The following PLB1 variants were observed in gnomAD, a reference collection of about 807,000 sequenced individuals.
PLB1 encodes phospholipase B1.
PLB1 carries 242 observed loss-of-function variants against 227.4 expected under a neutral mutation model. The ratio of observed to expected loss-of-function variants is 1.06; its 90% CI spans 0.96 to 1.18. The LOEUF (loss-of-function observed/expected upper bound fraction) is 1.18, where lower values mean the gene tolerates loss of function less well. PLB1 is among the 50% of genes most tolerant of loss of function. The pLI, the probability that PLB1 is intolerant of heterozygous loss-of-function variation, is 0.00. For synonymous variants in PLB1, 757 were observed against 682.2 expected, an observed-to-expected ratio of 1.11 and a Z score of -1.71; for missense variants, 1,858 against 1,816.3, an observed-to-expected ratio of 1.02 and a Z score of -0.42.
intron 17 of PLB1, among the ~76,000 whole-genome samples, chr2:28,560,658 G>A (rs1041354123): frequency 4.6e-5 from 7 of 152,090 alleles, no homozygotes; most frequent in Non-Finnish European, 8.8e-5. Context: ...AAAATAAAAC[G>A]AATATATTGA....
At chr2:28,518,343 G>T in intron 2 of PLB1, 123 bp from the exon 3 acceptor site, 1 of 753,462 alleles carries the variant, frequency 1.3e-6, no homozygotes. Flanking sequence ...ATGGGCAATT[G>T]TTGTTTCTAG....
intron 8 of PLB1, among the ~76,000 whole-genome samples, chr2:28,530,673 A>G (rs148182771): frequency 3.3e-5 from 5 of 152,384 alleles, no homozygotes; most frequent in Admixed American, 6.5e-5. Flanking sequence ...GGCAAGTATC[A>G]AACCAAGGCA....
intron 43 of PLB1, among the ~76,000 whole-genome samples, chr2:28,609,262 C>T (rs1573405687): frequency 6.6e-6 from 1 of 152,126 alleles, no homozygotes; most frequent in East Asian, 1.9e-4. Context: ...CACTCTGAGA[C>T]TTACCCATTT....
At chr2:28,563,223 T>C in intron 18 of PLB1, 124 bp downstream of exon 18, 1 of 948,810 alleles carries the variant, frequency 1.1e-6, no homozygotes, top group Non-Finnish European at 1.7e-6. Context: ...TCTCGGGTCC[T>C]GATCTCCATC....
chr2:28,643,822 G>T lies in PLB1; in HGVS notation c.*761G>T, dbSNP rs1179391268. ...ATATTCTCAACCTGATTTTCTCAAG[G>T]TGCTAAATTTAGGAAAAAATTCCTA... On this transcript the variant is annotated 3_prime_UTR_variant, in exon 58 of 58. Coordinates refer to ENST00000327757, the MANE Select transcript of PLB1 (RefSeq NM_153021.5). 1.3e-5 allele frequency: 2 copies of T among 152,214 alleles called. No individual in the cohort carries two copies. The highest frequency in any genetic ancestry group is 2.4e-5 in the African/African-American group (1 of 41,450). The allele number at this position is 152,214 out of a possible 1,614,324, so 9.4% of individuals were successfully genotyped here.
At chr2:28,623,664 C>T (rs1052330932) in intron 49 of PLB1, among the ~76,000 whole-genome samples, 5 of 152,316 alleles carry the variant, frequency 3.3e-5, no homozygotes, top group African/African-American at 7.2e-5. Flanking sequence ...GTGGCCAGCT[C>T]GCACTGGTTG....
At chr2:28,529,455 C>A (rs373575459) in intron 7 of PLB1, 48 bp downstream of exon 7, 2 of 1,432,370 alleles carry the variant, frequency 1.4e-6, no homozygotes, top group Non-Finnish European at 2.0e-6. Context: ...TCCTACTGGT[C>A]TTCAACATAT....
intron 9 of PLB1, among the ~76,000 whole-genome samples, chr2:28,537,406 A>G (rs1277273311): frequency 6.6e-6 from 1 of 152,142 alleles, no homozygotes; most frequent in Non-Finnish European, 1.5e-5. Flanking sequence ...GAAAAGGTAA[A>G]GCAGGCATGA....
In PLB1 at chr2:28,573,071, G is replaced by A. The variant is rs1408761574; in HGVS notation, c.1325-126G>A. The A allele has an allele frequency of 5.8e-6, 4 of 691,784 alleles. No individual in the cohort carries two copies. The East Asian group carries it at 8.1e-5, about 14-fold the overall frequency. 42.9% of individuals were successfully genotyped at this position (691,784 alleles called of 1,614,324 possible). On this transcript the variant is annotated intron_variant, in intron 20 of 57. Transcript: ENST00000327757. ...ACATTTTCTTCCCATGCTGAGTGAA[G>A]GTTGGGGTAAGAGTAGGGGCTGCGG...
Position 28,602,834 on chromosome 2 carries a change from T to TCGTGGACTTA in PLB1, c.2687_2688insCGTGGACTTA (p.Asn898AspfsTer35), listed in dbSNP as rs1342282300. The TCGTGGACTTA allele has an allele frequency of 6.2e-7, 1 of 1,614,116 alleles. No homozygotes were observed. Among genetic ancestry groups the TCGTGGACTTA allele is most frequent in the South Asian group, 1.1e-5 (1 of 91,076 alleles). ...CTTTTCCCTTAGGTGCCCAGAGTCC[T>TCGTGGACTTA]GGTCAACCTCGTGGACTTCCTGAAC... On this transcript the variant is annotated frameshift_variant, in exon 39 of 58. Coordinates refer to ENST00000327757, the MANE Select transcript of PLB1 (RefSeq NM_153021.5). LOFTEE classifies it high-confidence loss of function.
At chr2:28,521,950 TC>T (rs1669584130) in intron 4 of PLB1, among the ~76,000 whole-genome samples, 1 of 151,730 alleles carries the variant, frequency 6.6e-6, no homozygotes, top group Non-Finnish European at 1.5e-5. Flanking sequence ...CAGCCTGCAC[TC>T]CCTGCAACCT....
chr2:28,553,109 ACT>A (rs1460714433), intron 17 of PLB1, 118 bp downstream of exon 17: 15 of 800,484 alleles, frequency 1.9e-5, no homozygotes, highest in Non-Finnish European at 3.0e-5. Context: ...AACAGAAATA[ACT>A]CTGTATGTAT....
chr2:28,603,317 A>G lies in PLB1; in HGVS notation c.2774+396A>G, dbSNP rs1203692019. 2.0e-5 allele frequency among the ~76,000 whole-genome samples: 3 copies of G among 152,168 alleles called. No individual in the cohort carries two copies. In the East Asian group the frequency reaches 5.8e-4, roughly 29 times the overall value. ...TTACCTTTAGGGGAAGAAGAGAATT[A>G]GGAGGGACACAGGGAGCTTCAAACT... On this transcript the variant is annotated intron_variant, in intron 39 of 57. Coordinates refer to ENST00000327757, the MANE Select transcript of PLB1 (RefSeq NM_153021.5).
At chr2:28,540,214 C>T (rs1672286701) in intron 11 of PLB1, 152 bp from the exon 12 acceptor site, 1 of 644,070 alleles carries the variant, frequency 1.6e-6, no homozygotes, top group African/African-American at 1.8e-5. Flanking sequence ...CTATTCTTCT[C>T]AACATTTATG....
intron 1 of PLB1, among the ~76,000 whole-genome samples, chr2:28,507,442 G>A (rs1667757601): frequency 6.6e-6 from 1 of 152,134 alleles, no homozygotes. Flanking sequence ...AGAGACAAAA[G>A]GGGCCAAACT....
chr2:28,499,005 C>CA lies in PLB1; in HGVS notation c.55+2839dup, dbSNP rs530811515. Among the ~76,000 whole-genome samples the CA allele has an allele frequency of 2.7e-3, 418 of 152,222 alleles. 3 individuals are homozygous for CA. Among genetic ancestry groups the CA allele is most frequent in the African/African-American group, 9.5e-3 (395 of 41,530 alleles). Reference sequence around the variant, plus strand: ...ATGTATTTAGATCTTTAATGCCTCTCAAAGTTTTCTCTGTTGCAGGCATGG... The same window carrying CA: ...ATGTATTTAGATCTTTAATGCCTCTCAAAAGTTTTCTCTGTTGCAGGCATGG... On this transcript the variant is annotated intron_variant, in intron 1 of 57. Coordinates refer to ENST00000327757, the MANE Select transcript of PLB1 (RefSeq NM_153021.5).
intron 32 of PLB1, among the ~76,000 whole-genome samples, chr2:28,593,216 T>C (rs1682298456): frequency 6.6e-6 from 1 of 152,142 alleles, no homozygotes; most frequent in African/African-American, 2.4e-5. Flanking sequence ...TGCAAGGCCT[T>C]GAGAATACCT....
At chr2:28,578,522 C>T (rs1679382349) in intron 22 of PLB1, among the ~76,000 whole-genome samples, 2 of 152,094 alleles carry the variant, frequency 1.3e-5, no homozygotes, top group East Asian at 1.9e-4. Context: ...GGGACCGGCG[C>T]CTCTGCTTAG....
chr2:28,559,149 C>T (rs989582139), intron 17 of PLB1, among the ~76,000 whole-genome samples: 10 of 152,244 alleles, frequency 6.6e-5, no homozygotes, highest in South Asian at 2.1e-4. Context: ...CAGGTCCAAG[C>T]GCAGTACTTG....
Sources: gnomAD v4.1 joint callset for allele counts (sites outside exome capture counted in the v4.1 genomes callset) on GRCh38, gnomAD v4.1.1 for gene constraint, MANE v1.5 for transcripts, NCBI Gene and HGNC (gene_info 2026-07-23, HGNC 2026-07-21) for gene names.